Variants in STAU2 observed in about 807,000 individuals in gnomAD.
STAU2 encodes the protein staufen double-stranded RNA binding protein 2, also known as double-stranded RNA-binding protein Staufen homolog 2.
STAU2 carries 20 observed loss-of-function variants against 65.9 expected under a neutral mutation model. The ratio of observed to expected loss-of-function variants is 0.30; its 90% CI spans 0.21 to 0.44. The LOEUF is 0.44. Ranked by LOEUF, STAU2 falls within the 20% of genes least tolerant of loss-of-function variation. The pLI is 1.00. For synonymous variants in STAU2, 232 were observed against 233.9 expected, an observed-to-expected ratio of 0.99 and a Z score of 0.07; for missense variants, 558 against 683.9, an observed-to-expected ratio of 0.82 and a Z score of 2.05.
intron 13 of STAU2, among the ~76,000 whole-genome samples, chr8:73,515,011 T>G (rs529002182): frequency 6.6e-6 from 1 of 152,346 alleles, no homozygotes; most frequent in African/African-American, 2.4e-5. Context: ...TTTCTTGATC[T>G]TCAATGAAAA....
chr8:73,444,234 C>A (rs558661245), intron 13 of STAU2, among the ~76,000 whole-genome samples: 2 of 151,918 alleles, frequency 1.3e-5, no homozygotes, highest in African/African-American at 4.8e-5. Flanking sequence ...TGGAGAAACC[C>A]CGTCTCTATT....
intron 4 of STAU2, among the ~76,000 whole-genome samples, chr8:73,694,636 A>C (rs1302669752): frequency 2.6e-5 from 4 of 152,204 alleles, no homozygotes. Context: ...CCGTTACAAG[A>C]AACAAAAATC....
intron 13 of STAU2, among the ~76,000 whole-genome samples, chr8:73,444,542 T>C (rs1186041118): frequency 2.0e-5 from 3 of 151,830 alleles, no homozygotes; most frequent in Non-Finnish European, 4.4e-5. Context: ...AGGAAGCAGG[T>C]GTGAGTAATT....
intron 13 of STAU2, among the ~76,000 whole-genome samples, chr8:73,488,457 G>A (rs1177793496): frequency 2.6e-5 from 4 of 151,808 alleles, no homozygotes; most frequent in African/African-American, 4.8e-5. Flanking sequence ...GTAATAAATC[G>A]CTCCAAAGCA....
chr8:73,482,676 T>G (rs67369777), intron 13 of STAU2, among the ~76,000 whole-genome samples: 40,640 of 152,112 alleles, frequency 0.27, 6,538 homozygotes, highest in East Asian at 0.37. Context: ...TATATACTAT[T>G]AAGAAATTTA....
intron 6 of STAU2, among the ~76,000 whole-genome samples, chr8:73,628,463 G>A (rs550246912): frequency 1.3e-5 from 2 of 152,188 alleles, no homozygotes; most frequent in South Asian, 4.2e-4. Flanking sequence ...GGAAAATATG[G>A]CTTATTGTTT....
At chr8:73,591,882 T>TAAAAAAAAAAAAAAAAAA (rs34533172) in intron 11 of STAU2, among the ~76,000 whole-genome samples, 17 of 28,472 alleles carry the variant, frequency 6.0e-4, no homozygotes, top group African/African-American at 9.1e-4. Flanking sequence ...ATCCCAGAGG[T>TAAAAAAAAAAAAAAAAAA]AAAAAAAAAA....
At chr8:73,720,667 C>T (rs1351937234) in intron 3 of STAU2, among the ~76,000 whole-genome samples, 1 of 115,450 alleles carries the variant, frequency 8.7e-6, no homozygotes, top group Non-Finnish European at 1.7e-5. Flanking sequence ...CGCCCGCCAC[C>T]GCGCCCGGCT....
intron 12 of STAU2, among the ~76,000 whole-genome samples, chr8:73,567,081 A>T: frequency 6.6e-6 from 1 of 152,214 alleles, no homozygotes; most frequent in East Asian, 1.9e-4. Flanking sequence ...TAGAATTCTA[A>T]TTGTTATATG....
intron 13 of STAU2, among the ~76,000 whole-genome samples, chr8:73,522,658 A>G (rs1055522264): frequency 1.3e-4 from 20 of 152,210 alleles, no homozygotes; most frequent in Admixed American, 7.2e-4. Context: ...TGTTCTGGAC[A>G]ATTGAACTAA....
chr8:73,438,874 A>G, intron 13 of STAU2: 1 of 450,834 alleles, frequency 2.2e-6, no homozygotes, highest in East Asian at 7.0e-5. Flanking sequence ...GTTCAGAACT[A>G]CCTAATGTGT....
intron 3 of STAU2, among the ~76,000 whole-genome samples, chr8:73,715,205 T>C (rs916040525): frequency 2.6e-5 from 4 of 151,748 alleles, no homozygotes; most frequent in Non-Finnish European, 4.4e-5. Flanking sequence ...ACATAATTTC[T>C]TGAGTAAATA....
At chr8:73,490,042 T>G (rs11783372) in intron 13 of STAU2, among the ~76,000 whole-genome samples, 83,954 of 151,930 alleles carry the variant, frequency 0.55, 24,799 homozygotes, top group East Asian at 0.89. Context: ...CTTTGTTAAT[T>G]TGCTACAGTT....
chr8:73,629,503 T>C (rs1197262209), intron 6 of STAU2, among the ~76,000 whole-genome samples: 1 of 152,204 alleles, frequency 6.6e-6, no homozygotes, highest in Admixed American at 6.5e-5. Flanking sequence ...CACGTATGTT[T>C]TAAAAAAATT....
intron 9 of STAU2, among the ~76,000 whole-genome samples, chr8:73,613,213 T>C (rs1812598022): frequency 6.6e-6 from 1 of 152,244 alleles, no homozygotes; most frequent in South Asian, 2.1e-4. Context: ...TTCCAGCTGC[T>C]GTAGCTATCA....
chr8:73,734,035 C>T (rs868033573), intron 3 of STAU2, among the ~76,000 whole-genome samples: 53 of 152,086 alleles, frequency 3.5e-4, no homozygotes, highest in Middle Eastern at 6.8e-3. Context: ...TACATCCAAA[C>T]TAAGAATTAT....
intron 13 of STAU2, among the ~76,000 whole-genome samples, chr8:73,486,206 AG>A (rs1370210618): frequency 1.3e-5 from 2 of 152,120 alleles, no homozygotes; most frequent in Non-Finnish European, 2.9e-5. Context: ...ACTGAATCCC[AG>A]GGGCTGCCAT....
At chr8:73,585,388 G>A (rs897446482) in intron 11 of STAU2, among the ~76,000 whole-genome samples, 3 of 152,234 alleles carry the variant, frequency 2.0e-5, no homozygotes, top group Non-Finnish European at 2.9e-5. Context: ...GCTGAGGCAG[G>A]AGAATCGCTT....
At chr8:73,479,821 A>C (rs1165497221) in intron 13 of STAU2, among the ~76,000 whole-genome samples, 2 of 151,614 alleles carry the variant, frequency 1.3e-5, no homozygotes, top group African/African-American at 4.8e-5. Flanking sequence ...TATCCATTAT[A>C]TCTCTCAAAG....
Sources: allele counts gnomAD v4.1 joint callset (sites outside exome capture counted in the v4.1 genomes callset), GRCh38; gene constraint gnomAD v4.1.1; transcripts MANE v1.5; gene names NCBI Gene and HGNC (gene_info 2026-07-23, HGNC 2026-07-21).